ROPN1L: variants seen among roughly 807,000 people sequenced by gnomAD.
ROPN1L encodes the protein rhophilin associated tail protein 1 like, also known as ropporin-1-like protein.
A neutral mutation model predicts 22.7 loss-of-function variants in ROPN1L; 23 were observed. That is an observed-to-expected ratio of 1.01 (90% CI 0.73 to 1.43). The LOEUF (loss-of-function observed/expected upper bound fraction) is 1.43, where lower values mean the gene tolerates loss of function less well. Among genes scored for constraint, ROPN1L ranks in the 40% most tolerant of loss-of-function variants. ROPN1L has a pLI of 0.00. For missense variants in ROPN1L, 271 were observed against 291.5 expected (o/e 0.93, Z 0.51); for synonymous variants, 116 against 117.8 (o/e 0.98, Z 0.10).
the ROPN1L span, among the ~76,000 whole-genome samples, chr5:10,480,253 T>C: frequency 3.9e-5 from 6 of 152,222 alleles, no homozygotes; most frequent in South Asian, 2.1e-4. Context: ...GACTGATAGA[T>C]TTTTTTCATT....
intron 3 of ROPN1L, among the ~76,000 whole-genome samples, chr5:10,457,743 A>G (rs111915461): frequency 0.025 from 3,767 of 152,244 alleles, 161 homozygotes; most frequent in African/African-American, 0.085. Context: ...TGACACAGCC[A>G]CTGTGGAGCT....
chr5:10,466,733 G>A (rs1735161696), downstream of ROPN1L, among the ~76,000 whole-genome samples: 1 of 152,210 alleles, frequency 6.6e-6, no homozygotes, highest in East Asian at 1.9e-4. Context: ...TCTTGGGAAT[G>A]ACTTGGTCAT....
intron 1 of ROPN1L, among the ~76,000 whole-genome samples, chr5:10,443,250 TA>T (rs1382511322): frequency 6.6e-6 from 1 of 152,192 alleles, no homozygotes; most frequent in Non-Finnish European, 1.5e-5. Context: ...TTGCTGGCTT[TA>T]AACTCTATAA....
At chr5:10,477,625 T>A in the ROPN1L span, among the ~76,000 whole-genome samples, 1 of 152,122 alleles carries the variant, frequency 6.6e-6, no homozygotes, top group Non-Finnish European at 1.5e-5. Flanking sequence ...ATGCTTAATA[T>A]TCTGGAAAAT....
chr5:10,473,435 T>G (rs1173544581), downstream of ROPN1L, among the ~76,000 whole-genome samples: 3 of 151,844 alleles, frequency 2.0e-5, no homozygotes, highest in Admixed American at 6.6e-5. Flanking sequence ...CACTAAGGAG[T>G]GCTTGGAGCC....
intron 4 of ROPN1L, among the ~76,000 whole-genome samples, chr5:10,463,087 G>C (rs1372271672): frequency 6.6e-6 from 1 of 152,154 alleles, no homozygotes; most frequent in East Asian, 1.9e-4. Context: ...TGATGAACTT[G>C]CTATATGACC....
the ROPN1L span, among the ~76,000 whole-genome samples, chr5:10,478,599 C>T: frequency 5.3e-5 from 8 of 152,136 alleles, no homozygotes; most frequent in African/African-American, 4.8e-5. Context: ...CTTCTCTGTG[C>T]GTACGACTGT....
intron 3 of ROPN1L, among the ~76,000 whole-genome samples, chr5:10,457,503 G>C (rs775608043): frequency 1.3e-5 from 2 of 152,226 alleles, no homozygotes; most frequent in Admixed American, 6.5e-5. Context: ...GTCCTGGCTG[G>C]GTGACTTGGG....
chr5:10,443,581 C>G (rs1328230920), intron 1 of ROPN1L, among the ~76,000 whole-genome samples: 1 of 151,326 alleles, frequency 6.6e-6, no homozygotes, highest in Non-Finnish European at 1.5e-5. Flanking sequence ...GAGATTGCGC[C>G]ACTGCAGTCC....
chr5:10,453,238 G>A (rs1422123052), intron 3 of ROPN1L, among the ~76,000 whole-genome samples: 2 of 152,094 alleles, frequency 1.3e-5, no homozygotes, highest in Admixed American at 1.3e-4. Flanking sequence ...GCTCGTCTGG[G>A]GTCCATGTCT....
downstream of ROPN1L, among the ~76,000 whole-genome samples, chr5:10,467,248 T>C (rs1490093643): frequency 6.7e-6 from 1 of 148,346 alleles, no homozygotes. Flanking sequence ...GCACTGGCTC[T>C]ACAGGTATAA....
chr5:10,453,283 C>T lies in ROPN1L; in HGVS notation c.417+3170C>T, dbSNP rs896238638. 8.6e-5 allele frequency among the ~76,000 whole-genome samples: 13 copies of T among 152,018 alleles called. No individual in the cohort carries two copies. In the East Asian group the frequency reaches 2.1e-3, roughly 25 times the overall value. On this transcript the variant is annotated intron_variant, in intron 3 of 4. Coordinates refer to ENST00000274134, the MANE Select transcript of ROPN1L (RefSeq NM_031916.5). The stretch of plus-strand genomic sequence containing the variant: ...GATGCCTGCTCTGCCCTGGCTCCCG[C>T]GGCCCACAGAGTGCTGAGCACGAGT...
At chr5:10,470,138 C>T (rs1477071503) in intron 4 of ROPN1L, among the ~76,000 whole-genome samples, 3 of 152,124 alleles carry the variant, frequency 2.0e-5, no homozygotes, top group Non-Finnish European at 2.9e-5. Flanking sequence ...TTTTTCAAGT[C>T]TTAAACATTC....
chr5:10,481,139 G>A, the ROPN1L span, among the ~76,000 whole-genome samples: 19 of 152,120 alleles, frequency 1.2e-4, no homozygotes, highest in Non-Finnish European at 1.9e-4. Context: ...GACTCCCGGG[G>A]CAGAGACAAA....
intron 2 of ROPN1L, among the ~76,000 whole-genome samples, 177 bp downstream of exon 2, chr5:10,448,560 G>A (rs766054480): frequency 6.6e-6 from 1 of 152,212 alleles, no homozygotes; most frequent in Admixed American, 6.5e-5. Flanking sequence ...GAAGAAATAT[G>A]TTGTGTCTGG....
At chr5:10,459,443 G>A (rs2088626) in intron 3 of ROPN1L, among the ~76,000 whole-genome samples, 108,780 of 151,694 alleles carry the variant, frequency 0.72, 42,302 homozygotes, top group Non-Finnish European at 0.88. Context: ...ACAGTGCTCC[G>A]TCTTTGTTTA....
At chr5:10,455,007 A>C (rs1741371084) in intron 3 of ROPN1L, among the ~76,000 whole-genome samples, 1 of 152,204 alleles carries the variant, frequency 6.6e-6, no homozygotes, top group Admixed American at 6.5e-5. Flanking sequence ...CCTGTCTCGG[A>C]GAAGAACAAC....
At chr5:10,467,683 G>A (rs1044165480), downstream of ROPN1L, among the ~76,000 whole-genome samples, 1 of 152,220 alleles carries the variant, frequency 6.6e-6, no homozygotes, top group Admixed American at 6.5e-5. Flanking sequence ...CTTTTTCTCT[G>A]TAGCTCTGTG....
intron 3 of ROPN1L, among the ~76,000 whole-genome samples, chr5:10,456,869 C>T (rs978560971): frequency 1.3e-5 from 2 of 152,156 alleles, no homozygotes; most frequent in African/African-American, 4.8e-5. Context: ...CTTGGAACGG[C>T]GCGTTACACA....
Sources: gnomAD v4.1 joint callset for allele counts (sites outside exome capture counted in the v4.1 genomes callset) on GRCh38, gnomAD v4.1.1 for gene constraint, MANE v1.5 for transcripts, NCBI Gene and HGNC (gene_info 2026-07-23, HGNC 2026-07-21) for gene names.